The following CCSER1 variants were observed in gnomAD, a reference collection of about 807,000 sequenced individuals.
The protein encoded by CCSER1 is serine-rich coiled-coil domain-containing protein 1.
In CCSER1, 41 loss-of-function variants were observed where a neutral mutation model predicts 82.0. The observed-to-expected ratio is 0.50, with a 90% CI of 0.39 to 0.65. CCSER1 has a LOEUF of 0.65. Among genes scored for constraint, CCSER1 ranks in the 30% least tolerant of loss-of-function variants. The probability of loss-of-function intolerance (pLI) is 0.00; values close to 1 mark genes in which losing one functional copy is unlikely to be tolerated. For missense variants in CCSER1, 1,119 were observed against 1,064.2 expected, an observed-to-expected ratio of 1.05 and a Z score of -0.72; for synonymous variants, 414 against 383.9, an observed-to-expected ratio of 1.08 and a Z score of -0.92.
At chr4:90,866,898 C>G (rs1256100258) in intron 8 of CCSER1, among the ~76,000 whole-genome samples, 1 of 151,974 alleles carries the variant, frequency 6.6e-6, no homozygotes, top group Non-Finnish European at 1.5e-5. Context: ...GATTCACACC[C>G]CCATGAGACT....
In CCSER1 at chr4:90,975,682, T is replaced by C. The variant is rs112479832; in HGVS notation, c.2172+52235T>C. Among the ~76,000 whole-genome samples the C allele has an allele frequency of 5.3e-5, 8 of 151,350 alleles. No homozygotes were observed. The South Asian group carries it at 1.2e-3, about 24-fold the overall frequency. ...TTATCATTGTCATTGTTATTTTTGT[T>C]GCTAAACAGATGAAAATCCAGTTAC... On this transcript the variant is annotated intron_variant, in intron 9 of 10. Coordinates refer to ENST00000509176, the MANE Select transcript of CCSER1 (RefSeq NM_001145065.2).
intron 5 of CCSER1, among the ~76,000 whole-genome samples, chr4:90,469,604 T>C (rs904347181): frequency 2.0e-5 from 3 of 151,378 alleles, no homozygotes; most frequent in Non-Finnish European, 2.9e-5. Context: ...ATCACCACTC[T>C]CTTTGTTAGT....
At chr4:91,190,472 G>T (rs1734904994) in intron 10 of CCSER1, among the ~76,000 whole-genome samples, 3 of 152,126 alleles carry the variant, frequency 2.0e-5, no homozygotes, top group Admixed American at 2.0e-4. Flanking sequence ...AACTGCAAAT[G>T]CAGACAATCT....
intron 1 of CCSER1, among the ~76,000 whole-genome samples, chr4:90,230,866 A>T (rs988182844): frequency 1.8e-4 from 27 of 152,348 alleles, no homozygotes; most frequent in Admixed American, 4.6e-4. Context: ...AAACCAGAAA[A>T]TCTAGAAGAA....
At chr4:90,139,745 G>C (rs1031796311) in intron 1 of CCSER1, among the ~76,000 whole-genome samples, 8 of 152,146 alleles carry the variant, frequency 5.3e-5, no homozygotes, top group Non-Finnish European at 1.2e-4. Flanking sequence ...CTGAGGTCAG[G>C]AGTTCGAGAC....
intron 7 of CCSER1, among the ~76,000 whole-genome samples, chr4:90,811,381 G>A (rs1338010671): frequency 6.6e-6 from 1 of 152,184 alleles, no homozygotes; most frequent in Non-Finnish European, 1.5e-5. Context: ...GAAGAGTTTT[G>A]ATTTTCTTCC....
At chr4:90,714,550 A>G (rs1741273330) in intron 6 of CCSER1, among the ~76,000 whole-genome samples, 1 of 151,974 alleles carries the variant, frequency 6.6e-6, no homozygotes, top group South Asian at 2.1e-4. Context: ...ATCCCCCTAC[A>G]TAGATAAGGG....
At chr4:91,356,807 G>A (rs1280305275) in intron 10 of CCSER1, among the ~76,000 whole-genome samples, 1 of 152,178 alleles carries the variant, frequency 6.6e-6, no homozygotes, top group Non-Finnish European at 1.5e-5. Flanking sequence ...GGAGACGGAA[G>A]CTGGATGGCC....
intron 3 of CCSER1, among the ~76,000 whole-genome samples, chr4:90,358,782 C>T (rs1011836384): frequency 6.6e-6 from 1 of 152,084 alleles, no homozygotes; most frequent in African/African-American, 2.4e-5. Flanking sequence ...TGCAAACAGG[C>T]ATCAGGGAAT....
chr4:91,002,472 A>T (rs1738119653), intron 9 of CCSER1, among the ~76,000 whole-genome samples: 1 of 151,970 alleles, frequency 6.6e-6, no homozygotes, highest in Non-Finnish European at 1.5e-5. Flanking sequence ...TCTTTGTCAG[A>T]TTGGGTTAAT....
At chr4:91,178,064 A>T (rs1733593044) in intron 10 of CCSER1, among the ~76,000 whole-genome samples, 1 of 152,088 alleles carries the variant, frequency 6.6e-6, no homozygotes, top group African/African-American at 2.4e-5. Context: ...TCCTTTTGTT[A>T]TGTACCCAGT....
At chr4:91,017,803 T>G (rs1739561732) in intron 9 of CCSER1, among the ~76,000 whole-genome samples, 1 of 134,354 alleles carries the variant, frequency 7.4e-6, no homozygotes, top group South Asian at 2.6e-4. Context: ...AACATTATGG[T>G]TTTTAAATTG....
chr4:91,325,396 G>A lies in CCSER1; in HGVS notation c.2217+239402G>A, dbSNP rs3762829. On this transcript the variant is annotated intron_variant, in intron 10 of 10. Coordinates refer to ENST00000509176, the MANE Select transcript of CCSER1 (RefSeq NM_001145065.2). The stretch of plus-strand genomic sequence containing the variant: ...GCCATGTGTCATCTATAGATGAAAG[G>A]GAGCAAGGGGTAGGCAGAAGTATTT... The A allele has an allele frequency of 7.3e-5, 20 of 274,566 alleles. No homozygotes were observed. The East Asian group carries it at 2.0e-3, about 28-fold the overall frequency. 17.0% of individuals were successfully genotyped at this position (274,566 alleles called of 1,614,324 possible). A position where few individuals can be genotyped will look rare whatever the true frequency, so the allele number is the denominator to read the frequency against.
At chr4:90,287,209 A>C (rs1362566457) in intron 1 of CCSER1, among the ~76,000 whole-genome samples, 1 of 151,998 alleles carries the variant, frequency 6.6e-6, no homozygotes, top group Non-Finnish European at 1.5e-5. Flanking sequence ...AATTAAAAAA[A>C]AACCCTACAA....
intron 3 of CCSER1, among the ~76,000 whole-genome samples, chr4:90,398,389 T>C (rs1249553967): frequency 6.6e-6 from 1 of 152,200 alleles, no homozygotes; most frequent in East Asian, 1.9e-4. Context: ...TTACCCCAAT[T>C]AGAAATTGGA....
At position 90,805,080 on chromosome 4, in the gene CCSER1, T is replaced by TGTA. The variant is rs1757332572; in HGVS notation, c.2011-10682_2011-10681insGTA. On this transcript the variant is annotated intron_variant, in intron 7 of 10. Coordinates refer to ENST00000509176, the MANE Select transcript of CCSER1 (RefSeq NM_001145065.2). ...TGACATAATTTACACTAATCTGAAC[T>TGTA]ATAATAGAGTTTGTCTCTATGTTTA... is the stretch of plus-strand genomic sequence containing the variant. 3.0e-5 allele frequency among the ~76,000 whole-genome samples: 4 copies of TGTA among 133,178 alleles called. No homozygotes were observed. The South Asian group carries it at 8.9e-4, about 30-fold the overall frequency. The allele number at this position is 133,178 out of a possible 152,430, so 87.4% of individuals were successfully genotyped here. A position where few individuals can be genotyped will look rare whatever the true frequency, so the allele number is the denominator to read the frequency against.
At chr4:90,214,105 A>G (rs906904960) in intron 1 of CCSER1, among the ~76,000 whole-genome samples, 9 of 152,270 alleles carry the variant, frequency 5.9e-5, no homozygotes, top group Admixed American at 6.5e-5. Flanking sequence ...AAGGAATGCA[A>G]TTTCTGGAAT....
At chr4:91,072,962 TTAAGGTAA>T (rs1721587189) in intron 9 of CCSER1, among the ~76,000 whole-genome samples, 1 of 152,126 alleles carries the variant, frequency 6.6e-6, no homozygotes, top group African/African-American at 2.4e-5. Context: ...ACAATATTGC[TTAAGGTAA>T]TAAGTGAGGA....
intron 5 of CCSER1, among the ~76,000 whole-genome samples, chr4:90,583,872 T>A (rs1037207407): frequency 3.3e-5 from 5 of 152,186 alleles, no homozygotes; most frequent in African/African-American, 4.8e-5. Flanking sequence ...GGATAAAATG[T>A]AATTCATGTT....
Sources: gnomAD v4.1 joint callset for allele counts (sites outside exome capture counted in the v4.1 genomes callset) on GRCh38, gnomAD v4.1.1 for gene constraint, MANE v1.5 for transcripts, NCBI Gene and HGNC (gene_info 2026-07-23, HGNC 2026-07-21) for gene names.